Variants in EXOC4 observed in about 807,000 individuals in gnomAD.
EXOC4 encodes the protein SEC8-like 1.
EXOC4 carries 71 observed loss-of-function variants against 107.2 expected under a neutral mutation model. The observed-to-expected ratio is 0.66, with a 90% CI of 0.55 to 0.81. EXOC4 has a LOEUF of 0.81. EXOC4 is among the 30% of genes least tolerant of loss of function. The pLI is 0.00. For missense variants in EXOC4, 1,108 were observed against 1,189.6 expected, an observed-to-expected ratio of 0.93 and a Z score of 1.01; for synonymous variants, 456 against 441.2, an observed-to-expected ratio of 1.03 and a Z score of -0.42.
chr7:133,294,019 A>G (rs1216073395), intron 3 of EXOC4, among the ~76,000 whole-genome samples: 1 of 152,166 alleles, frequency 6.6e-6, no homozygotes, highest in Non-Finnish European at 1.5e-5. Context: ...AATTGAAGTA[A>G]TTTTGCCAGT....
At chr7:133,544,217 T>A (rs1370866402) in intron 9 of EXOC4, among the ~76,000 whole-genome samples, 2 of 149,248 alleles carry the variant, frequency 1.3e-5, no homozygotes, top group African/African-American at 5.0e-5. Context: ...ACTGAATATT[T>A]GTTCTTTGAA....
At chr7:133,375,546 T>C (rs1796470725) in intron 7 of EXOC4, among the ~76,000 whole-genome samples, 1 of 152,164 alleles carries the variant, frequency 6.6e-6, no homozygotes, top group Admixed American at 6.5e-5. Context: ...TCTCAATATG[T>C]ATAGTGTCTG....
At chr7:133,721,873 A>C (rs1399431230) in intron 10 of EXOC4, among the ~76,000 whole-genome samples, 1 of 152,204 alleles carries the variant, frequency 6.6e-6, no homozygotes, top group Non-Finnish European at 1.5e-5. Context: ...GGGAGTAATA[A>C]AATATCCTTG....
At chr7:133,620,465 T>A (rs1005272136) in intron 9 of EXOC4, among the ~76,000 whole-genome samples, 16 of 152,216 alleles carry the variant, frequency 1.1e-4, no homozygotes, top group African/African-American at 3.6e-4. Context: ...GTTCTAGATA[T>A]ACTGAGGAGA....
intron 10 of EXOC4, among the ~76,000 whole-genome samples, chr7:133,690,199 G>GGT (rs1794389743): frequency 6.6e-6 from 1 of 152,136 alleles, no homozygotes; most frequent in Non-Finnish European, 1.5e-5. Context: ...TGGGTGTAGT[G>GGT]CGGGAGCTCA....
chr7:133,793,366 C>A (rs1796745361), intron 10 of EXOC4, among the ~76,000 whole-genome samples: 1 of 152,056 alleles, frequency 6.6e-6, no homozygotes, highest in Admixed American at 6.6e-5. Context: ...CTTGTGTGCC[C>A]AGACCCAGGC....
intron 10 of EXOC4, among the ~76,000 whole-genome samples, chr7:133,688,709 G>T (rs1001259733): frequency 6.6e-6 from 1 of 152,122 alleles, no homozygotes; most frequent in African/African-American, 2.4e-5. Context: ...AATTCAGAAG[G>T]CATAGCCCTG....
chr7:134,077,609 G>A, the EXOC4 span, among the ~76,000 whole-genome samples: 1 of 152,192 alleles, frequency 6.6e-6, no homozygotes, highest in African/African-American at 2.4e-5. Flanking sequence ...CCAGAACAAA[G>A]ACCGCACCTG....
chr7:133,399,296 C>T (rs1797037626), intron 7 of EXOC4, among the ~76,000 whole-genome samples: 1 of 151,398 alleles, frequency 6.6e-6, no homozygotes, highest in South Asian at 2.1e-4. Flanking sequence ...TCTTCTTCTC[C>T]TCTCTGTTTA....
chr7:133,683,621 C>T (rs781042797), intron 10 of EXOC4, among the ~76,000 whole-genome samples: 5 of 151,866 alleles, frequency 3.3e-5, no homozygotes, highest in Non-Finnish European at 5.9e-5. Flanking sequence ...GTAAAGCCCC[C>T]GTTTAAAAGC....
At chr7:134,035,462 T>C (rs1231097132) in intron 17 of EXOC4, among the ~76,000 whole-genome samples, 4 of 152,138 alleles carry the variant, frequency 2.6e-5, no homozygotes, top group Admixed American at 2.0e-4. Flanking sequence ...AAGAACAGCA[T>C]TTTCACACAA....
chr7:133,960,546 A>G (rs1451586335), intron 14 of EXOC4, among the ~76,000 whole-genome samples: 3 of 152,204 alleles, frequency 2.0e-5, no homozygotes, highest in African/African-American at 7.2e-5. Context: ...AACATACACA[A>G]GTCAATAAAT....
intron 13 of EXOC4, among the ~76,000 whole-genome samples, chr7:133,937,667 A>C (rs1800335244): frequency 6.6e-6 from 1 of 152,226 alleles, no homozygotes; most frequent in South Asian, 2.1e-4. Flanking sequence ...TGAAGGCACA[A>C]TCATTGGAGT....
In EXOC4 at chr7:133,994,852, T is replaced by C. The variant is rs1794351346; in HGVS notation, c.2207-2640T>C. Reference sequence around the variant, plus strand: ...AGATTGTGTTAGCATTGCTTTTTTATAGATTTTCATTTGACATTGAAGAGC... The same window carrying C: ...AGATTGTGTTAGCATTGCTTTTTTACAGATTTTCATTTGACATTGAAGAGC... On this transcript the variant is annotated intron_variant, in intron 14 of 17. Coordinates refer to ENST00000253861, the MANE Select transcript of EXOC4 (RefSeq NM_021807.4). 1.3e-5 allele frequency among the ~76,000 whole-genome samples: 2 copies of C among 152,146 alleles called. 1 individual carries two copies. The highest frequency in any genetic ancestry group is 4.2e-4 in the South Asian group (2 of 4,816).
In EXOC4 at chr7:133,671,800, A is replaced by G. The variant is rs532987359; in HGVS notation, c.1514+41659A>G. ...GTCAAGCATATCGCAAAGGTTTTTC[A>G]CTTAAGTAACAGCACAATGGAAATG... On this transcript the variant is annotated intron_variant, in intron 10 of 17. Coordinates refer to ENST00000253861, the MANE Select transcript of EXOC4 (RefSeq NM_021807.4). Among the ~76,000 whole-genome samples the G allele has an allele frequency of 3.3e-5, 5 of 152,282 alleles. No homozygotes were observed. In the East Asian group the frequency reaches 9.7e-4, roughly 30 times the overall value.
chr7:134,025,751 C>G (rs952096027), intron 17 of EXOC4, among the ~76,000 whole-genome samples: 1 of 152,186 alleles, frequency 6.6e-6, no homozygotes, highest in Non-Finnish European at 1.5e-5. Context: ...ATACCTCTTA[C>G]ATGGTTACTT....
chr7:133,575,038 C>A (rs928969213), intron 9 of EXOC4, among the ~76,000 whole-genome samples: 2 of 152,152 alleles, frequency 1.3e-5, no homozygotes, highest in Non-Finnish European at 2.9e-5. Flanking sequence ...ATAATACACA[C>A]GTGTTGAAAA....
chr7:133,971,289 C>G (rs543637963), intron 14 of EXOC4, among the ~76,000 whole-genome samples: 1 of 140,192 alleles, frequency 7.1e-6, no homozygotes, highest in East Asian at 2.2e-4. Context: ...AAAATATTCC[C>G]AGCTCCTTGA....
chr7:133,871,165 A>G lies in EXOC4; in HGVS notation c.1735-24434A>G, dbSNP rs555988003. On this transcript the variant is annotated intron_variant, in intron 11 of 17. Transcript: ENST00000253861. ...TTCTTCAGGGTATCTGCATGCATCTATTGTTGCTGATAGCAGAGTTATTAT... is the reference window on the plus strand; with the variant it reads ...TTCTTCAGGGTATCTGCATGCATCTGTTGTTGCTGATAGCAGAGTTATTAT... Among the ~76,000 whole-genome samples, 11 of 152,046 alleles carry G rather than the reference A, an allele frequency of 7.2e-5. No homozygotes were observed. In the South Asian group the frequency reaches 1.9e-3, roughly 26 times the overall value.
Sources: gnomAD v4.1 joint callset for allele counts (sites outside exome capture counted in the v4.1 genomes callset) on GRCh38, gnomAD v4.1.1 for gene constraint, MANE v1.5 for transcripts, NCBI Gene and HGNC (gene_info 2026-07-23, HGNC 2026-07-21) for gene names.